Variants in NEBL observed in about 807,000 individuals in gnomAD.
NEBL encodes the protein LIM and SH3 protein 2.
NEBL carries 122 observed loss-of-function variants against 140.2 expected under a neutral mutation model. The observed-to-expected ratio is 0.87, with a 90% CI of 0.75 to 1.01. The LOEUF is 1.01. NEBL is among the 50% of genes least tolerant of loss of function. NEBL has a pLI of 0.00. For synonymous variants in NEBL, 436 were observed against 398.9 expected (o/e 1.09, Z -1.11); for missense variants, 1,365 against 1,231.3 (o/e 1.11, Z -1.62).
chr10:21,218,891 A>T (rs76388158), intron 3 of NEBL, among the ~76,000 whole-genome samples: 1,551 of 152,354 alleles, frequency 0.01, 27 homozygotes, highest in African/African-American at 0.034. Context: ...GTTTATGCAC[A>T]TTCATTTTGC....
chr10:21,176,900 C>A (rs1841309195), upstream of NEBL, among the ~76,000 whole-genome samples: 1 of 152,146 alleles, frequency 6.6e-6, no homozygotes, highest in Non-Finnish European at 1.5e-5. Context: ...CCTATTTATG[C>A]AAAATCAATT....
chr10:21,254,295 G>A (rs1424368737), intron 1 of NEBL, among the ~76,000 whole-genome samples: 1 of 151,914 alleles, frequency 6.6e-6, no homozygotes, highest in African/African-American at 2.4e-5. Flanking sequence ...ATTCCACCAT[G>A]CCCAGCTAAG....
At chr10:20,826,599 G>A (rs561441503) in intron 17 of NEBL, 60 bp from the exon 18 acceptor site, 61 of 1,285,482 alleles carry the variant, frequency 4.7e-5, no homozygotes, top group East Asian at 2.5e-4. Flanking sequence ...TCCTAGATCC[G>A]CTTCTTAGAA....
intron 2 of NEBL, among the ~76,000 whole-genome samples, chr10:21,028,376 A>G (rs1247702482): frequency 3.3e-5 from 5 of 152,170 alleles, no homozygotes; most frequent in African/African-American, 1.2e-4. Flanking sequence ...ACTGTCAGGA[A>G]GAAAGAAAAT....
chr10:20,921,034 A>G (rs1193437985), intron 4 of NEBL, among the ~76,000 whole-genome samples: 2 of 152,232 alleles, frequency 1.3e-5, no homozygotes, highest in African/African-American at 4.8e-5. Context: ...GAGTAATGAC[A>G]GTAGGAACAG....
At chr10:21,005,844 T>C (rs1448444003) in intron 3 of NEBL, among the ~76,000 whole-genome samples, 1 of 152,186 alleles carries the variant, frequency 6.6e-6, no homozygotes, top group Non-Finnish European at 1.5e-5. Flanking sequence ...ACTTTTTTTT[T>C]TTTTTAAGTA....
chr10:21,161,704 T>C (rs891783044), intron 2 of NEBL, among the ~76,000 whole-genome samples: 3 of 152,174 alleles, frequency 2.0e-5, no homozygotes, highest in Non-Finnish European at 4.4e-5. Context: ...TGGTGGATTT[T>C]AGGCCCTCAT....
intron 1 of NEBL, among the ~76,000 whole-genome samples, chr10:21,259,401 T>A (rs1794839053): frequency 6.6e-6 from 1 of 152,106 alleles, no homozygotes; most frequent in Non-Finnish European, 1.5e-5. Flanking sequence ...GGTGCAGCTA[T>A]GAAACTGACT....
At chr10:20,858,540 T>C (rs966409128) in intron 8 of NEBL, among the ~76,000 whole-genome samples, 196 bp from the exon 9 acceptor site, 6 of 152,232 alleles carry the variant, frequency 3.9e-5, no homozygotes, top group Non-Finnish European at 5.9e-5. Context: ...GGCTTGAGAA[T>C]ACTTGGATAA....
intron 3 of NEBL, among the ~76,000 whole-genome samples, chr10:21,186,257 A>AC (rs955598418): frequency 1.5e-4 from 19 of 124,724 alleles, no homozygotes; most frequent in Non-Finnish European, 2.3e-4. Context: ...TATATATACA[A>AC]ACACACACAC....
intron 4 of NEBL, among the ~76,000 whole-genome samples, chr10:20,921,703 G>T (rs949760348): frequency 6.6e-6 from 1 of 151,808 alleles, no homozygotes; most frequent in Non-Finnish European, 1.5e-5. Flanking sequence ...TTTGTTTCCT[G>T]CTGCACCTTA....
chr10:21,082,293 C>T (rs1374295565), intron 2 of NEBL, among the ~76,000 whole-genome samples: 2 of 151,930 alleles, frequency 1.3e-5, no homozygotes, highest in African/African-American at 2.4e-5. Context: ...GGGCAAGTGG[C>T]AAAACTTTAA....
intron 1 of NEBL, among the ~76,000 whole-genome samples, chr10:21,288,294 C>T (rs183791125): frequency 6.6e-6 from 1 of 151,646 alleles, no homozygotes; most frequent in Non-Finnish European, 1.5e-5. Flanking sequence ...ATAATGAAAC[C>T]CTGTCTCTAC....
chr10:21,227,695 CTTCTTCTTCTTCTTCTTTCTTCTT>C (rs1166394700), intron 3 of NEBL, among the ~76,000 whole-genome samples: 10 of 90,296 alleles, frequency 1.1e-4, no homozygotes, highest in African/African-American at 6.0e-4. Context: ...TCTTCTTCTT[CTTCTTCTTCTTCTTCTTTCTTCTT>C]CTTCTTCTTC....
chr10:21,267,339 C>T (rs1384256256), intron 1 of NEBL, among the ~76,000 whole-genome samples: 1 of 151,962 alleles, frequency 6.6e-6, no homozygotes, highest in Non-Finnish European at 1.5e-5. Context: ...GTCTCAAACT[C>T]CTGACCTCAA....
At chr10:21,148,541 T>A (rs1196536632) in intron 2 of NEBL, among the ~76,000 whole-genome samples, 6 of 152,142 alleles carry the variant, frequency 3.9e-5, no homozygotes, top group African/African-American at 1.4e-4. Context: ...TTGTTTTTGT[T>A]TTTTAGACAG....
intron 4 of NEBL, among the ~76,000 whole-genome samples, chr10:20,923,631 A>C (rs1418776879): frequency 7.4e-6 from 1 of 134,274 alleles, no homozygotes; most frequent in Non-Finnish European, 1.6e-5. Flanking sequence ...GTGAGCCGAA[A>C]TCATACCACT....
chr10:20,882,872 C>A (rs986522142), intron 4 of NEBL, among the ~76,000 whole-genome samples: 9 of 152,140 alleles, frequency 5.9e-5, no homozygotes, highest in African/African-American at 2.4e-5. Context: ...TTTGAAAGTT[C>A]AGATTAAAAT....
At chr10:20,962,225 G>A (rs868120163) in intron 3 of NEBL, among the ~76,000 whole-genome samples, 61 of 152,180 alleles carry the variant, frequency 4.0e-4, no homozygotes, top group African/African-American at 1.1e-3. Flanking sequence ...TCCTGTGCCC[G>A]CCTGTCAGTG....
Sources: allele counts gnomAD v4.1 joint callset (sites outside exome capture counted in the v4.1 genomes callset), GRCh38; gene constraint gnomAD v4.1.1; transcripts MANE v1.5; gene names NCBI Gene and HGNC (gene_info 2026-07-23, HGNC 2026-07-21).